ZNF124: variants seen among roughly 807,000 people sequenced by gnomAD.
ZNF124 encodes the protein zinc finger protein 124, also known as zinc finger protein HZF-16.
A neutral mutation model predicts 26.6 loss-of-function variants in ZNF124; 25 were observed. That is an observed-to-expected ratio of 0.94 (90% CI 0.68 to 1.31). The LOEUF (loss-of-function observed/expected upper bound fraction) is 1.31. Among genes scored for constraint, ZNF124 ranks in the 40% most tolerant of loss-of-function variants. ZNF124 has a pLI of 0.00. For missense variants in ZNF124, 444 were observed against 422.2 expected (o/e 1.05, Z -0.45); for synonymous variants, 129 against 133.3 (o/e 0.97, Z 0.22).
Position 247,127,805 on chromosome 1 carries a change from C to G in ZNF124, c.219-3934G>C, listed in dbSNP as rs116369032. Among the ~76,000 whole-genome samples, 240 of 145,416 alleles carry G rather than the reference C, an allele frequency of 1.7e-3. 1 individual carries two copies. In the East Asian group the frequency reaches 0.031, roughly 19 times the overall value. The stretch of plus-strand genomic sequence containing the variant: ...ACAGGAATTGCTCACTTGGGGAGCT[C>G]GGTTTTTTGGAGACGTGAGTCTTGC... On this transcript the variant is annotated intron_variant, in intron 3 of 3. Transcript: ENST00000472531.
downstream of ZNF124, among the ~76,000 whole-genome samples, chr1:247,153,667 A>G (rs1409680930): frequency 6.6e-6 from 1 of 152,188 alleles, no homozygotes; most frequent in Non-Finnish European, 1.5e-5. Context: ...ATTAAGGGAA[A>G]GAGTTCAGAA....
At chr1:247,167,440 A>G (rs1673843696) in intron 1 of ZNF124, among the ~76,000 whole-genome samples, 1 of 152,200 alleles carries the variant, frequency 6.6e-6, no homozygotes, top group Non-Finnish European at 1.5e-5. Context: ...CAATTTATGT[A>G]CCACACTTTT....
chr1:247,128,744 G>C (rs112558790), intron 3 of ZNF124, among the ~76,000 whole-genome samples: 34,932 of 142,698 alleles, frequency 0.24, 699 homozygotes, highest in African/African-American at 0.32. Flanking sequence ...CTTGTGAAGG[G>C]AGAACAGCTA....
intron 1 of ZNF124, among the ~76,000 whole-genome samples, chr1:247,160,107 T>A (rs1244906409): frequency 6.7e-6 from 1 of 150,012 alleles, no homozygotes; most frequent in Non-Finnish European, 1.5e-5. Context: ...TGCCTCTGCC[T>A]CTCAAGTAGC....
chr1:247,152,365 G>C (rs1313587710), downstream of ZNF124, among the ~76,000 whole-genome samples: 1 of 150,520 alleles, frequency 6.6e-6, no homozygotes, highest in Non-Finnish European at 1.5e-5. Flanking sequence ...TGAGGGAAAA[G>C]TAGAATTCTA....
At chr1:247,147,134 G>A (rs1461305457) in intron 3 of ZNF124, among the ~76,000 whole-genome samples, 6 of 149,384 alleles carry the variant, frequency 4.0e-5, no homozygotes, top group African/African-American at 9.9e-5. Context: ...CTTTTATCTC[G>A]TAAGTGGAGG....
Position 247,155,839 on chromosome 1 carries a change from C to T in ZNF124, c.*727G>A, listed in dbSNP as rs12049018. On this transcript the variant is annotated 3_prime_UTR_variant, in exon 4 of 4. Coordinates refer to ENST00000543802, the MANE Select transcript of ZNF124 (RefSeq NM_001297568.2). The stretch of plus-strand genomic sequence containing the variant: ...TTGTGCCACTGCACACCAGCCTGGG[C>T]GACAAAGTGAGACTCCATCTCAAAA... 1.0e-3 allele frequency: 775 copies of T among 747,328 alleles called. 7 individuals carry two copies. In the East Asian group the frequency reaches 0.038, roughly 36 times the overall value. The allele number at this position is 747,328 out of a possible 1,614,324, so 46.3% of individuals were successfully genotyped here.
chr1:247,163,471 T>TTA (rs1553335561), intron 1 of ZNF124, among the ~76,000 whole-genome samples: 8 of 133,314 alleles, frequency 6.0e-5, no homozygotes, highest in African/African-American at 2.2e-4. Context: ...TCACAGAAAC[T>TTA]AAAAAAAAAA....
intron 1 of ZNF124, among the ~76,000 whole-genome samples, chr1:247,165,532 C>G (rs1026745431): frequency 1.3e-5 from 2 of 152,100 alleles, no homozygotes; most frequent in African/African-American, 4.8e-5. Context: ...ATGCCCAAAG[C>G]GACTGCCACA....
At chr1:247,142,841 C>CT (rs56080219) in intron 3 of ZNF124, among the ~76,000 whole-genome samples, 8,912 of 143,738 alleles carry the variant, frequency 0.062, 340 homozygotes, top group South Asian at 0.21. Flanking sequence ...CAGGTATTGT[C>CT]TTTTTTTTTT....
At chr1:247,136,545 G>A (rs1171118951) in intron 3 of ZNF124, among the ~76,000 whole-genome samples, 5 of 152,176 alleles carry the variant, frequency 3.3e-5, no homozygotes, top group Admixed American at 3.3e-4. Flanking sequence ...GGAATAATCA[G>A]TATCACAAAA....
At chr1:247,130,562 G>A (rs1406336495) in intron 3 of ZNF124, among the ~76,000 whole-genome samples, 1 of 152,148 alleles carries the variant, frequency 6.6e-6, no homozygotes, top group Admixed American at 6.5e-5. Context: ...TGGGGACTTG[G>A]CATTTTTAGA....
intron 3 of ZNF124, 134 bp downstream of exon 3, chr1:247,158,872 G>A (rs1341309932): frequency 2.3e-5 from 17 of 742,804 alleles, no homozygotes; most frequent in Middle Eastern, 3.0e-4. Flanking sequence ...CAGGTGATCC[G>A]CCCACCTCAG....
chr1:247,125,246 T>C (rs74834106), intron 3 of ZNF124, among the ~76,000 whole-genome samples: 4,678 of 152,196 alleles, frequency 0.031, 256 homozygotes, highest in African/African-American at 0.11. Context: ...TTTTTGTGGA[T>C]GTTTTAATTT....
At position 247,157,092 on chromosome 1, in the gene ZNF124, C is replaced by T. The variant is rs745477497; in HGVS notation, c.530G>A (p.Arg177His). The change falls in exon 4 of 4, where the codon CGC becomes CAC. Residue 177 changes from arginine to histidine, a missense_variant. By Grantham distance (29) the Arg-to-His change is conservative. Transcript: ENST00000543802. ...TTTCCCACATTGCTTACATTCATAG[C>T]GTTTTTCTCCAGTGTGAATCCTTTT... ...RHKRIHTGEKRYECKQCGKAF... is the reference protein window; with the variant it reads ...RHKRIHTGEKHYECKQCGKAF... 9.3e-6 allele frequency: 15 copies of T among 1,613,850 alleles called. No homozygotes were observed. Among genetic ancestry groups the T allele is most frequent in the African/African-American group, 2.7e-5 (2 of 74,844 alleles).
intron 3 of ZNF124, among the ~76,000 whole-genome samples, chr1:247,134,489 AAG>A (rs1672440069): frequency 6.6e-6 from 1 of 152,232 alleles, no homozygotes; most frequent in Non-Finnish European, 1.5e-5. Context: ...GAAACCAACA[AAG>A]ATCAAAAAAG....
Position 247,168,884 on chromosome 1 carries a change from TTG to T in ZNF124, c.30+2962_30+2963del, listed in dbSNP as rs1456131228. Among the ~76,000 whole-genome samples, 1 of 152,094 alleles carries T rather than the reference TTG, an allele frequency of 6.6e-6. No homozygotes were observed. The highest frequency in any genetic ancestry group is 1.5e-5 in the Non-Finnish European group (1 of 68,016). On this transcript the variant is annotated intron_variant, in intron 1 of 3. Transcript: ENST00000543802. The surrounding 1 kb of genome is among the most constrained non-coding windows in gnomAD (Gnocchi z 4.0). ...GGGTGGGAGGGGGTGAGACTGCATATTGGGTACAGCGTACACTGATAAGGTGA... is the reference window on the plus strand; with the variant it reads ...GGGTGGGAGGGGGTGAGACTGCATATGGTACAGCGTACACTGATAAGGTGA...
At chr1:247,140,006 C>T (rs1359818305) in intron 3 of ZNF124, among the ~76,000 whole-genome samples, 2 of 152,006 alleles carry the variant, frequency 1.3e-5, no homozygotes, top group African/African-American at 2.4e-5. Flanking sequence ...TGCAGGGGTT[C>T]TCTGGTTTCC....
intron 3 of ZNF124, among the ~76,000 whole-genome samples, chr1:247,140,445 C>T (rs1237501463): frequency 6.6e-6 from 1 of 152,140 alleles, no homozygotes; most frequent in East Asian, 1.9e-4. Flanking sequence ...AATTCCTATC[C>T]ATATTCTAAA....
Sources: gnomAD v4.1 joint callset for allele counts (sites outside exome capture counted in the v4.1 genomes callset) on GRCh38, gnomAD v4.1.1 for gene constraint, Gnocchi (gnomAD v3.1) non-coding constraint, MANE v1.5 for transcripts, NCBI Gene and HGNC (gene_info 2026-07-23, HGNC 2026-07-21) for gene names.